The following ADAMTSL3 variants were observed in gnomAD, a reference collection of about 807,000 sequenced individuals.
ADAMTSL3 encodes ADAMTS-like protein 3.
In ADAMTSL3, 128 loss-of-function variants were observed where a neutral mutation model predicts 201.7. That is an observed-to-expected ratio of 0.63 (90% confidence interval 0.55 to 0.73). ADAMTSL3 has a LOEUF of 0.73. ADAMTSL3 is among the 30% of genes least tolerant of loss of function. ADAMTSL3 has a pLI of 0.00. For synonymous variants in ADAMTSL3, 738 were observed against 748.4 expected (o/e 0.99, Z 0.23); for missense variants, 1,990 against 2,119.6 (o/e 0.94, Z 1.20).
intron 3 of ADAMTSL3, among the ~76,000 whole-genome samples, chr15:83,750,699 G>A (rs1426316331): frequency 1.3e-5 from 2 of 151,976 alleles, no homozygotes; most frequent in East Asian, 1.9e-4. Flanking sequence ...CTACAGGCAC[G>A]TGCCACCACA....
intron 20 of ADAMTSL3, among the ~76,000 whole-genome samples, chr15:83,973,592 C>G (rs1249806718): frequency 2.0e-5 from 3 of 152,118 alleles, no homozygotes; most frequent in Admixed American, 6.5e-5. Flanking sequence ...GCTTTGTGCC[C>G]TATTTTCTAA....
At chr15:83,767,729 C>T (rs531958221) in intron 3 of ADAMTSL3, among the ~76,000 whole-genome samples, 34 of 152,322 alleles carry the variant, frequency 2.2e-4, no homozygotes, top group Non-Finnish European at 2.8e-4. Context: ...CTTCCCTCCC[C>T]ACAAACCTTT....
At chr15:84,035,054 A>AT (rs766174695) in intron 28 of ADAMTSL3, among the ~76,000 whole-genome samples, 45 of 151,802 alleles carry the variant, frequency 3.0e-4, no homozygotes, top group East Asian at 9.7e-4. Flanking sequence ...ATTTATTATG[A>AT]TTTTTTCTAC....
chr15:83,832,717 A>G (rs571168188), intron 6 of ADAMTSL3, among the ~76,000 whole-genome samples: 46 of 152,096 alleles, frequency 3.0e-4, no homozygotes, highest in African/African-American at 1.0e-3. Flanking sequence ...CATAATGACT[A>G]CTTGGCATAG....
Position 83,819,803 on chromosome 15 carries a change from GC to G in ADAMTSL3, c.364-3del, listed in dbSNP as rs144806194. On this transcript the variant is annotated splice_polypyrimidine_tract_variant and splice_region_variant and intron_variant, in intron 5 of 29. Coordinates refer to ENST00000286744, the MANE Select transcript of ADAMTSL3 (RefSeq NM_207517.3). ...GATGTGCATGTGGCCTTTTCCCTCT[GC>G]CCCCAGGACTGCCCTCCAGATGCAG... 6.2e-7 allele frequency: 1 copy of G among 1,610,786 alleles called. No homozygotes were observed. Among genetic ancestry groups the G allele is most frequent in the Non-Finnish European group, 8.5e-7 (1 of 1,177,894 alleles).
At chr15:83,981,796 G>C (rs376057103) in intron 20 of ADAMTSL3, among the ~76,000 whole-genome samples, 1 of 152,190 alleles carries the variant, frequency 6.6e-6, no homozygotes, top group Non-Finnish European at 1.5e-5. Context: ...TCCTCCCTCA[G>C]ATTTGGGGTA....
In ADAMTSL3 at chr15:84,036,790, A is replaced by G. The variant is rs1354771486; in HGVS notation, c.4772A>G (p.Asn1591Ser). The change falls in exon 29 of 30, where the codon AAC (asparagine) becomes AGC (serine). Residue 1591 changes from asparagine (N) to serine (S), a missense_variant. Asn to Ser is a conservative substitution (Grantham distance 46). Transcript: ENST00000286744. ...DDRKRPTLRR[N>S]CTSGACDVCW... The stretch of plus-strand genomic sequence containing the variant: ...CACTTCAGACCCACCTTAAGAAGGA[A>G]CTGCACATCAGGGGCCTGTGATGTG... The G allele has an allele frequency of 1.2e-5, 19 of 1,610,128 alleles. No homozygotes were observed. The highest frequency in any genetic ancestry group is 1.7e-5 in the Admixed American group (1 of 59,568).
intron 7 of ADAMTSL3, among the ~76,000 whole-genome samples, chr15:83,842,418 C>T (rs1398257088): frequency 6.6e-6 from 1 of 152,096 alleles, no homozygotes; most frequent in African/African-American, 2.4e-5. Flanking sequence ...TAGACGCTGC[C>T]TTGGGGTTGG....
intron 17 of ADAMTSL3, among the ~76,000 whole-genome samples, chr15:83,940,279 GA>G (rs1366065187): frequency 6.6e-6 from 1 of 152,174 alleles, no homozygotes; most frequent in Non-Finnish European, 1.5e-5. Context: ...ACTGTGGTCA[GA>G]AAATATACTG....
At chr15:83,778,640 C>A (rs1411192085) in intron 4 of ADAMTSL3, among the ~76,000 whole-genome samples, 4 of 152,146 alleles carry the variant, frequency 2.6e-5, no homozygotes, top group Non-Finnish European at 5.9e-5. Flanking sequence ...AAAGGAAAGA[C>A]CATTACCAGC....
chr15:83,678,426 C>A (rs2401128), intron 2 of ADAMTSL3, among the ~76,000 whole-genome samples: 128,274 of 151,328 alleles, frequency 0.85, 54,780 homozygotes, highest in East Asian at 0.96. Flanking sequence ...AAGAGTTCCC[C>A]TCTCTTTTTT....
intron 19 of ADAMTSL3, 121 bp downstream of exon 19, chr15:83,943,203 C>T: frequency 8.6e-7 from 1 of 1,156,796 alleles, no homozygotes; most frequent in Non-Finnish European, 1.2e-6. Flanking sequence ...CCTAGGGGGC[C>T]ACATTTAAGG....
chr15:83,713,602 A>G lies in ADAMTSL3; in HGVS notation c.189+9094A>G, dbSNP rs552720983. On this transcript the variant is annotated intron_variant, in intron 3 of 29. Coordinates refer to ENST00000286744, the MANE Select transcript of ADAMTSL3 (RefSeq NM_207517.3). ...ATGCTGTTCTGATTGACTATGTCAC[A>G]TATGAACTCTGAATTTCAAAACAAA... 4.6e-5 allele frequency among the ~76,000 whole-genome samples: 7 copies of G among 152,302 alleles called. No homozygotes were observed. The South Asian group carries it at 1.4e-3, about 32-fold the overall frequency.
intron 6 of ADAMTSL3, among the ~76,000 whole-genome samples, chr15:83,837,445 G>T (rs1203290284): frequency 1.3e-5 from 2 of 151,988 alleles, no homozygotes; most frequent in Non-Finnish European, 2.9e-5. Context: ...TAGGGCTGGG[G>T]AGAGAGGAAA....
chr15:83,841,888 C>T (rs1361819581), intron 7 of ADAMTSL3, among the ~76,000 whole-genome samples: 2 of 151,892 alleles, frequency 1.3e-5, no homozygotes, highest in East Asian at 4.0e-4. Context: ...TTGAGAGGAA[C>T]ACACTGGCAG....
At chr15:83,956,881 A>T (rs913401433) in intron 19 of ADAMTSL3, among the ~76,000 whole-genome samples, 20 of 152,194 alleles carry the variant, frequency 1.3e-4, no homozygotes, top group Non-Finnish European at 1.9e-4. Context: ...AAACTCACTC[A>T]TTTAATCAAC....
At chr15:83,977,501 T>C (rs2067307670) in intron 20 of ADAMTSL3, among the ~76,000 whole-genome samples, 1 of 151,694 alleles carries the variant, frequency 6.6e-6, no homozygotes, top group Non-Finnish European at 1.5e-5. Context: ...AGGAAAAGCA[T>C]AGAGCAAGAG....
At chr15:83,801,447 T>C (rs1025298987) in intron 4 of ADAMTSL3, among the ~76,000 whole-genome samples, 1 of 150,130 alleles carries the variant, frequency 6.7e-6, no homozygotes, top group Non-Finnish European at 1.5e-5. Context: ...TGGCATGAAA[T>C]GGAAATGGAG....
At chr15:83,744,765 A>C (rs1326645524) in intron 3 of ADAMTSL3, among the ~76,000 whole-genome samples, 1 of 152,226 alleles carries the variant, frequency 6.6e-6, no homozygotes, top group South Asian at 2.1e-4. Context: ...ACAAATGAGC[A>C]TTAATTTTCA....
Sources: allele counts gnomAD v4.1 joint callset (sites outside exome capture counted in the v4.1 genomes callset), GRCh38; gene constraint gnomAD v4.1.1; transcripts MANE v1.5; gene names NCBI Gene and HGNC (gene_info 2026-07-23, HGNC 2026-07-21).